The following ANKFN1 variants were observed in gnomAD, a reference collection of about 807,000 sequenced individuals.
ANKFN1 encodes ankyrin repeat and fibronectin type-III domain-containing protein 1.
In ANKFN1, 74 loss-of-function variants were observed where a neutral mutation model predicts 108.7. The ratio of observed to expected loss-of-function variants is 0.68; its 90% CI spans 0.56 to 0.83. The LOEUF (loss-of-function observed/expected upper bound fraction) is 0.83, where lower values mean the gene tolerates loss of function less well. Ranked by LOEUF, ANKFN1 falls within the 40% of genes least tolerant of loss-of-function variation. ANKFN1 has a pLI of 0.00. For synonymous variants in ANKFN1, 547 were observed against 516.2 expected (o/e 1.06, Z -0.81); for missense variants, 1,505 against 1,382.3 (o/e 1.09, Z -1.41).
At position 56,510,759 on chromosome 17, in the gene ANKFN1, G is replaced by A. The variant is rs62072933; in HGVS notation, c.2931G>A (p.Gly977=). The A allele has an allele frequency of 3.9e-6, 6 of 1,536,120 alleles. 1 individual carries two copies. In the South Asian group the frequency reaches 5.9e-5, roughly 15 times the overall value. ...AEFLHSLTLT[G]FTPKNHAKTV... ...TTCTCCATAGCCTGACCCTCACGGG[G>A]TTCACACCCAAGAACCACGCCAAGA... Residue 977 remains glycine, a synonymous_variant, in exon 21 of 21, where the codon GGG becomes GGA. Coordinates refer to ENST00000682825, the MANE Select transcript of ANKFN1 (RefSeq NM_001370326.1).
At chr17:56,268,148 G>A (rs2043702367) in intron 3 of ANKFN1, among the ~76,000 whole-genome samples, 1 of 151,942 alleles carries the variant, frequency 6.6e-6, no homozygotes, top group Admixed American at 6.6e-5. Context: ...TCTACACATG[G>A]CACATACTTT....
chr17:56,283,881 A>C (rs573959214), intron 3 of ANKFN1, among the ~76,000 whole-genome samples: 4 of 152,056 alleles, frequency 2.6e-5, no homozygotes, highest in South Asian at 2.1e-4. Flanking sequence ...TCCCCCAAAA[A>C]CCTATGGAAA....
At chr17:56,059,608 G>A (rs1904939517) in intron 4 of ANKFN1, among the ~76,000 whole-genome samples, 1 of 152,130 alleles carries the variant, frequency 6.6e-6, no homozygotes, top group Non-Finnish European at 1.5e-5. Context: ...GTTAACTTTT[G>A]TATAAGGTGT....
chr17:56,415,223 A>G (rs536460298), intron 8 of ANKFN1, among the ~76,000 whole-genome samples: 3 of 152,202 alleles, frequency 2.0e-5, no homozygotes, highest in Non-Finnish European at 4.4e-5. Context: ...CAGACAAGAC[A>G]AAGAAATAGA....
At position 56,317,368 on chromosome 17, in the gene ANKFN1, T is replaced by C. The variant is rs2045238894; in HGVS notation, c.54-8853T>C. On this transcript the variant is annotated intron_variant, in intron 3 of 20. Coordinates refer to ENST00000682825, the MANE Select transcript of ANKFN1 (RefSeq NM_001370326.1). ...ACTCCAGCTTGCCTTCATCTTTGAC[T>C]CATAGGAAAGGTGTAAATCCCACCC... Among the ~76,000 whole-genome samples, 3 of 152,206 alleles carry C rather than the reference T, an allele frequency of 2.0e-5. 1 individual carries two copies. The South Asian group carries it at 6.2e-4, about 31-fold the overall frequency.
intron 1 of ANKFN1, chr17:56,195,336 T>C (rs1299685528): frequency 6.6e-6 from 1 of 152,230 alleles, no homozygotes; most frequent in Non-Finnish European, 1.5e-5. Context: ...TCGAAGACTG[T>C]GTTTAATTCA....
intron 2 of ANKFN1, among the ~76,000 whole-genome samples, chr17:56,224,092 C>T (rs1419263364): frequency 6.6e-6 from 1 of 152,200 alleles, no homozygotes; most frequent in Non-Finnish European, 1.5e-5. Context: ...GGGCAGAGCC[C>T]CTACAACTCT....
upstream of ANKFN1, among the ~76,000 whole-genome samples, chr17:56,151,374 T>A (rs1228451322): frequency 6.6e-6 from 1 of 152,190 alleles, no homozygotes; most frequent in Admixed American, 6.5e-5. Context: ...CCAAATGATA[T>A]GAATGTCTAA....
intron 9 of ANKFN1, among the ~76,000 whole-genome samples, chr17:56,442,430 A>G (rs1421305230): frequency 6.6e-6 from 1 of 152,242 alleles, no homozygotes; most frequent in Non-Finnish European, 1.5e-5. Flanking sequence ...CACTAAAAGA[A>G]GTGACAGCTA....
At chr17:56,133,953 A>T (rs1907444255) in intron 4 of ANKFN1, among the ~76,000 whole-genome samples, 1 of 152,084 alleles carries the variant, frequency 6.6e-6, no homozygotes, top group Non-Finnish European at 1.5e-5. Flanking sequence ...CAGATCCCAT[A>T]GGTTAAGGCC....
chr17:56,411,216 C>T (rs2048080422), intron 8 of ANKFN1, among the ~76,000 whole-genome samples: 1 of 152,074 alleles, frequency 6.6e-6, no homozygotes, highest in Non-Finnish European at 1.5e-5. Flanking sequence ...AGATATTTCA[C>T]CTTGGTTAGA....
At chr17:56,288,978 A>C (rs552773611) in intron 3 of ANKFN1, among the ~76,000 whole-genome samples, 7 of 152,324 alleles carry the variant, frequency 4.6e-5, no homozygotes, top group African/African-American at 1.7e-4. Flanking sequence ...GCTTCAGCAC[A>C]ATCACCCATG....
intron 4 of ANKFN1, among the ~76,000 whole-genome samples, chr17:56,093,646 C>A (rs754309870): frequency 2.0e-5 from 3 of 151,420 alleles, no homozygotes; most frequent in African/African-American, 4.8e-5. Context: ...TTCAGATGAT[C>A]CCCCTTCTAC....
At chr17:56,430,246 C>T (rs982255998) in intron 8 of ANKFN1, among the ~76,000 whole-genome samples, 2 of 152,030 alleles carry the variant, frequency 1.3e-5, no homozygotes, top group African/African-American at 4.8e-5. Context: ...GGGTATCATG[C>T]TAAGTGAAAT....
intron 4 of ANKFN1, among the ~76,000 whole-genome samples, chr17:56,067,232 TTA>T (rs146597685): frequency 0.034 from 5,111 of 151,998 alleles, 242 homozygotes; most frequent in African/African-American, 0.11. Context: ...TAGTACTCCA[TTA>T]TATATATATA....
Position 56,515,265 on chromosome 17 carries a change from T to C in ANKFN1, c.*3996T>C, listed in dbSNP as rs1294207833. Among the ~76,000 whole-genome samples the C allele has an allele frequency of 1.3e-5, 2 of 152,164 alleles. No homozygotes were observed. The highest frequency in any genetic ancestry group is 2.9e-5 in the Non-Finnish European group (2 of 68,032). The stretch of plus-strand genomic sequence containing the variant: ...AGTGTGTATTTCTTGGTATATGTGC[T>C]TATTAAGCTATCACATACCAATTAG... On this transcript the variant is annotated 3_prime_UTR_variant, in exon 21 of 21. Transcript: ENST00000682825.
chr17:56,196,393 G>A (rs764637197), intron 1 of ANKFN1, among the ~76,000 whole-genome samples: 1 of 152,112 alleles, frequency 6.6e-6, no homozygotes, highest in Non-Finnish European at 1.5e-5. Flanking sequence ...GAGAATTGAA[G>A]GTTTAATCAG....
chr17:56,419,637 T>C (rs1041234097), intron 8 of ANKFN1, among the ~76,000 whole-genome samples: 5 of 150,016 alleles, frequency 3.3e-5, no homozygotes, highest in African/African-American at 4.9e-5. Context: ...CCATGAAAAA[T>C]AAAAAACAAA....
At chr17:56,475,053 T>C (rs1300590238) in intron 15 of ANKFN1, among the ~76,000 whole-genome samples, 1 of 152,210 alleles carries the variant, frequency 6.6e-6, no homozygotes, top group Non-Finnish European at 1.5e-5. Flanking sequence ...TTATGTTCTG[T>C]TTAAGGCATC....
Sources: allele counts gnomAD v4.1 joint callset (sites outside exome capture counted in the v4.1 genomes callset), GRCh38; gene constraint gnomAD v4.1.1; transcripts MANE v1.5; gene names NCBI Gene and HGNC (gene_info 2026-07-23, HGNC 2026-07-21).